Variants in NR1H4 observed in about 807,000 individuals in gnomAD.
NR1H4 encodes the protein nuclear receptor subfamily 1 group H member 4.
Under a neutral mutation model 58.5 loss-of-function variants are expected in NR1H4, and 23 were observed. The ratio of observed to expected loss-of-function variants is 0.39; its 90% CI spans 0.28 to 0.56. The LOEUF is 0.56. Among genes scored for constraint, NR1H4 ranks in the 20% least tolerant of loss-of-function variants. The pLI is 0.58. For synonymous variants in NR1H4, 214 were observed against 198.0 expected, an observed-to-expected ratio of 1.08 and a Z score of -0.68; for missense variants, 487 against 576.9, an observed-to-expected ratio of 0.84 and a Z score of 1.60.
At position 100,532,616 on chromosome 12, in the gene NR1H4, C is replaced by T. The variant is rs187437492; in HGVS notation, c.598+6C>T. On this transcript the variant is annotated splice_donor_region_variant and intron_variant, in intron 5 of 10. Transcript: ENST00000392986. Reference sequence around the variant, plus strand: ...GGCTGAATGTATGTATACAGGTATTCACTTCAAGCAATTACATTTCACTAA... The same window carrying T: ...GGCTGAATGTATGTATACAGGTATTTACTTCAAGCAATTACATTTCACTAA... The T allele has an allele frequency of 1.9e-6, 3 of 1,613,224 alleles. No homozygotes were observed. In the Admixed American group the frequency reaches 5.0e-5, roughly 27 times the overall value.
At chr12:100,545,126 C>T (rs919857234) in intron 9 of NR1H4, among the ~76,000 whole-genome samples, 2 of 151,988 alleles carry the variant, frequency 1.3e-5, no homozygotes, top group Non-Finnish European at 2.9e-5. Context: ...GCTCAGCTTC[C>T]TTTAAAAAAA....
chr12:100,559,749 A>C (rs1196051528), intron 9 of NR1H4, among the ~76,000 whole-genome samples: 1 of 152,288 alleles, frequency 6.6e-6, no homozygotes, highest in East Asian at 1.9e-4. Context: ...TCGACCACCC[A>C]AGGGCTGAGG....
chr12:100,556,788 T>C (rs1464734709), intron 9 of NR1H4, among the ~76,000 whole-genome samples: 1 of 152,310 alleles, frequency 6.6e-6, no homozygotes, highest in African/African-American at 2.4e-5. Context: ...GAAATGGGGA[T>C]AGTAATACTG....
chr12:100,554,341 G>T lies in NR1H4; in HGVS notation c.1079-7544G>T, dbSNP rs115655228. Among the ~76,000 whole-genome samples the T allele has an allele frequency of 9.5e-3, 1,432 of 150,480 alleles. 19 individuals are homozygous for T. The highest frequency in any genetic ancestry group is 0.033 in the African/African-American group (1,364 of 41,020). ...CGTCATCAGAATAAGTCATATAGAG[G>T]TATTTAAGATACTAGGATATATGTC... On this transcript the variant is annotated intron_variant, in intron 9 of 10. Transcript: ENST00000392986.
chr12:100,474,986 T>G (rs189764953), intron 1 of NR1H4, among the ~76,000 whole-genome samples: 1,981 of 152,328 alleles, frequency 0.013, 19 homozygotes, highest in Non-Finnish European at 0.02. Context: ...AAGAAACTTT[T>G]GGAGGTGATG....
chr12:100,560,441 C>A (rs1024521096), intron 9 of NR1H4, among the ~76,000 whole-genome samples: 3 of 152,128 alleles, frequency 2.0e-5, no homozygotes, highest in African/African-American at 7.2e-5. Context: ...CTGAACCCAG[C>A]GAGACCACGA....
chr12:100,514,142 T>G (rs1050623347), intron 4 of NR1H4, among the ~76,000 whole-genome samples: 1 of 152,162 alleles, frequency 6.6e-6, no homozygotes, highest in Non-Finnish European at 1.5e-5. Context: ...AACAATGAGA[T>G]TGGCTTTTTG....
chr12:100,506,003 AC>A (rs1953953294), intron 3 of NR1H4, among the ~76,000 whole-genome samples: 2 of 29,800 alleles, frequency 6.7e-5, no homozygotes, highest in Admixed American at 3.1e-4. Context: ...AGTGTTTATA[AC>A]ACACACACAC....
At chr12:100,552,150 T>C (rs898539485) in intron 9 of NR1H4, among the ~76,000 whole-genome samples, 1 of 152,160 alleles carries the variant, frequency 6.6e-6, no homozygotes, top group Admixed American at 6.5e-5. Flanking sequence ...GCCTGACACA[T>C]AGCAGGAATA....
Position 100,482,887 on chromosome 12 carries a change from C to T in NR1H4, c.-190+8828C>T, listed in dbSNP as rs555154497. 3.3e-5 allele frequency among the ~76,000 whole-genome samples: 5 copies of T among 152,126 alleles called. No homozygotes were observed. The East Asian group carries it at 9.6e-4, about 29-fold the overall frequency. On this transcript the variant is annotated intron_variant, in intron 1 of 10. Transcript: ENST00000392986. ...GTGTAAGCTCCAGAGAGCAGAGACG[C>T]TTTGAAAGCTGTGGATATCTAGTTG...
chr12:100,494,276 A>C (rs1236107454), intron 3 of NR1H4, among the ~76,000 whole-genome samples: 2 of 152,304 alleles, frequency 1.3e-5, no homozygotes, highest in Non-Finnish European at 2.9e-5. Flanking sequence ...GTTACCTATT[A>C]GTCATTAGCA....
intron 9 of NR1H4, among the ~76,000 whole-genome samples, chr12:100,555,745 T>TA (rs1387624829): frequency 6.6e-6 from 1 of 152,198 alleles, no homozygotes. Context: ...AATGAAGTCT[T>TA]AAAAAATTTA....
intron 4 of NR1H4, among the ~76,000 whole-genome samples, chr12:100,522,496 T>C (rs115944403): frequency 0.027 from 4,084 of 152,194 alleles, 186 homozygotes; most frequent in African/African-American, 0.094. Context: ...AAAAATGGGA[T>C]ATTATTTTTA....
chr12:100,519,094 C>T (rs1231540388), intron 4 of NR1H4, among the ~76,000 whole-genome samples: 1 of 152,036 alleles, frequency 6.6e-6, no homozygotes, highest in African/African-American at 2.4e-5. Flanking sequence ...GGCCTTGACC[C>T]ATGACTCTTA....
chr12:100,540,488 A>G (rs1326011232), intron 8 of NR1H4, among the ~76,000 whole-genome samples, 184 bp from the exon 9 acceptor site: 1 of 152,218 alleles, frequency 6.6e-6, no homozygotes, highest in Non-Finnish European at 1.5e-5. Context: ...AGCTTGTTTA[A>G]TAAATTCTGC....
intron 9 of NR1H4, among the ~76,000 whole-genome samples, chr12:100,558,767 A>G (rs2136314700): frequency 6.6e-6 from 1 of 152,360 alleles, no homozygotes; most frequent in East Asian, 1.9e-4. Context: ...TGTTTAGGGA[A>G]CTACAAGTGG....
At chr12:100,522,657 C>G (rs1954456649) in intron 4 of NR1H4, among the ~76,000 whole-genome samples, 1 of 151,930 alleles carries the variant, frequency 6.6e-6, no homozygotes, top group Non-Finnish European at 1.5e-5. Context: ...GTACCTGTCA[C>G]CAGAGTGTAT....
rs191803058 is a variant in NR1H4, at chr12:100,515,111, C to A, written c.445+3968C>A. Among the ~76,000 whole-genome samples the A allele has an allele frequency of 6.2e-3, 936 of 151,408 alleles. 9 individuals carry two copies. Among genetic ancestry groups the A allele is most frequent in the African/African-American group, 0.021 (872 of 41,176 alleles). Reference sequence around the variant, plus strand: ...CATCCAGAGCTCCATTTGGCCATCCCTGAGCTGGGTACATCTCAGGCATAT... The same window carrying A: ...CATCCAGAGCTCCATTTGGCCATCCATGAGCTGGGTACATCTCAGGCATAT... On this transcript the variant is annotated intron_variant, in intron 4 of 10. Transcript: ENST00000392986.
At chr12:100,553,159 T>C (rs1230883139) in intron 9 of NR1H4, among the ~76,000 whole-genome samples, 15 of 152,022 alleles carry the variant, frequency 9.9e-5, no homozygotes, top group Admixed American at 2.0e-4. Context: ...CCACCACACC[T>C]AGCTAATTTG....
Sources: gnomAD v4.1 joint callset for allele counts (sites outside exome capture counted in the v4.1 genomes callset) on GRCh38, gnomAD v4.1.1 for gene constraint, MANE v1.5 for transcripts, NCBI Gene and HGNC (gene_info 2026-07-23, HGNC 2026-07-21) for gene names.